Variants in PIEZO1 observed in about 807,000 individuals in gnomAD.
PIEZO1 encodes the protein piezo-type mechanosensitive ion channel component 1.
PIEZO1 carries 296 observed loss-of-function variants against 297.2 expected under a neutral mutation model. The observed-to-expected ratio is 1.00, with a 90% CI of 0.91 to 1.10. PIEZO1 has a LOEUF of 1.10. Among genes scored for constraint, PIEZO1 ranks in the 50% least tolerant of loss-of-function variants. The pLI is 0.00. For synonymous variants in PIEZO1, 2,427 were observed against 1,507.5 expected, an observed-to-expected ratio of 1.61 and a Z score of -14.13; for missense variants, 5,018 against 3,455.5, an observed-to-expected ratio of 1.45 and a Z score of -11.34.
chr16:88,719,743 G>T, intron 43 of PIEZO1, 22 bp from the exon 44 acceptor site: 1 of 1,550,340 alleles, frequency 6.5e-7, no homozygotes, highest in Non-Finnish European at 8.7e-7. Context: ...CAGGGTTCCC[G>T]TCAGGTGGGC....
chr16:88,736,748 G>A lies in PIEZO1; in HGVS notation c.1196-9C>T, dbSNP rs923586703. On this transcript the variant is annotated splice_polypyrimidine_tract_variant and intron_variant, in intron 10 of 50. Coordinates refer to ENST00000301015, the MANE Select transcript of PIEZO1 (RefSeq NM_001142864.4). ...AGCCCGCTTGGGCCGCACTGCAGGT[G>A]GGGACAGCGGTCAGCTTCGGCAGGT... The A allele has an allele frequency of 2.5e-5, 38 of 1,500,882 alleles. No individual in the cohort carries two copies. Among genetic ancestry groups the A allele is most frequent in the Middle Eastern group, 3.7e-4 (2 of 5,358 alleles). The allele number at this position is 1,500,882 out of a possible 1,614,324, so 93.0% of individuals were successfully genotyped here. A position where few individuals can be genotyped will look rare whatever the true frequency, so the allele number is the denominator to read the frequency against.
intron 1 of PIEZO1, among the ~76,000 whole-genome samples, chr16:88,750,740 G>A (rs1418809062): frequency 1.3e-5 from 2 of 152,210 alleles, no homozygotes; most frequent in African/African-American, 2.4e-5. Context: ...CTCCTCGCAG[G>A]GGACCTGAGG....
At chr16:88,720,343 G>T (rs1380104114) in intron 41 of PIEZO1, 42 bp downstream of exon 41, 1 of 1,550,002 alleles carries the variant, frequency 6.5e-7, no homozygotes, top group Non-Finnish European at 8.7e-7. Flanking sequence ...GGTGGCTGCT[G>T]AGCTCTGCGT....
Position 88,733,967 on chromosome 16 carries a change from C to T in PIEZO1, c.2268G>A (p.Glu756=), listed in dbSNP as rs1014500689. Residue 756 remains glutamate, a synonymous_variant, in exon 17 of 51, where the codon GAG becomes GAA. Coordinates refer to ENST00000301015, the MANE Select transcript of PIEZO1 (RefSeq NM_001142864.4). ...CGCCCAGCCCCTCGTCCCTGGAGTC[C>T]TCCTCCTCCTCCTCCTCCTCCTGCT... ...QQQQEEEEEE[E]DSRDEGLGVA... is the part of the protein sequence containing the mutation. 17 of 1,380,732 alleles carry T rather than the reference C, an allele frequency of 1.2e-5. No individual in the cohort carries two copies. The highest frequency in any genetic ancestry group is 4.2e-5 in the African/African-American group (2 of 47,416). The allele number at this position is 1,380,732 out of a possible 1,614,324, so 85.5% of individuals were successfully genotyped here. A position where few individuals can be genotyped will look rare whatever the true frequency, so the allele number is the denominator to read the frequency against.
Position 88,732,414 on chromosome 16 carries a change from G to C in PIEZO1, c.2912C>G (p.Thr971Ser), listed in dbSNP as rs1319010980. 2 of 1,549,662 alleles carry C rather than the reference G, an allele frequency of 1.3e-6. No individual in the cohort carries two copies. The highest frequency in any genetic ancestry group is 2.7e-5 in the African/African-American group (2 of 73,032). ...CAGATCCTGGTCCAGCTGCTGGCGG[G>C]TGCCGCTGGCAAACACGGCCTGGGC... Reference protein sequence around the residue: ...LPAQAVFASGTRQQLDQDLLG... With the variant: ...LPAQAVFASGSRQQLDQDLLG... The change falls in exon 21 of 51, where the codon ACC becomes AGC. Residue 971 changes from threonine (T) to serine (S), a missense_variant. Physicochemically the swap from Thr to Ser is moderately conservative, Grantham distance 58. Coordinates refer to ENST00000301015, the MANE Select transcript of PIEZO1 (RefSeq NM_001142864.4).
At chr16:88,723,461 G>T in intron 31 of PIEZO1, 133 bp from the exon 32 acceptor site, 1 of 1,049,768 alleles carries the variant, frequency 9.5e-7, no homozygotes. Flanking sequence ...GTGTCCCTGA[G>T]CCCCTCCCGG....
chr16:88,764,216 C>T (rs915389111), intron 1 of PIEZO1, among the ~76,000 whole-genome samples: 2 of 152,092 alleles, frequency 1.3e-5, no homozygotes, highest in Non-Finnish European at 2.9e-5. Context: ...CCTTGAGACA[C>T]GGGGTCTCGG....
intron 17 of PIEZO1, 46 bp downstream of exon 17, chr16:88,733,860 G>A: frequency 6.8e-7 from 1 of 1,467,396 alleles, no homozygotes; most frequent in South Asian, 1.4e-5. Context: ...GCTGGGACAT[G>A]GCACAGCAGA....
At position 88,765,260 on chromosome 16, in the gene PIEZO1, CG is replaced by C. The variant is rs548879436; in HGVS notation, c.65-15782del. Among the ~76,000 whole-genome samples, 856 of 152,342 alleles carry C rather than the reference CG, an allele frequency of 5.6e-3. 11 individuals are homozygous for C. The highest frequency in any genetic ancestry group is 0.019 in the African/African-American group (782 of 41,578). On this transcript the variant is annotated intron_variant, in intron 1 of 50. Transcript: ENST00000301015. The stretch of plus-strand genomic sequence containing the variant: ...GGCAGGAGGGGAGTCACCAGCCACT[CG>C]GAGGCAGCCTGGAGAGGGGGTGTCA...
intron 1 of PIEZO1, among the ~76,000 whole-genome samples, chr16:88,765,100 C>A (rs1446572203): frequency 6.6e-6 from 1 of 152,228 alleles, no homozygotes; most frequent in Non-Finnish European, 1.5e-5. Context: ...TGTGATTTAC[C>A]CAGCGGCACC....
rs150162512 is a variant in PIEZO1, at chr16:88,737,742, G to A, written c.1093C>T (p.Arg365Trp). 25 of 1,535,466 alleles carry A rather than the reference G, an allele frequency of 1.6e-5. No individual in the cohort carries two copies. Among genetic ancestry groups the A allele is most frequent in the South Asian group, 7.1e-5 (6 of 84,050 alleles). ...TGGCTGCTCACCTGGTCAGACTCCC[G>A]TTCCTGGGGCCACTGGTCCAGCTCT... ...LAELDQWPQE[R>W]ESDQHVVPTA... Residue 365 changes from arginine (R) to tryptophan (W), a missense_variant, in exon 9 of 51, where the codon CGG becomes TGG. Arg to Trp is a moderately radical substitution (Grantham distance 101, BLOSUM62 -3). Transcript: ENST00000301015.
intron 12 of PIEZO1, among the ~76,000 whole-genome samples, chr16:88,735,789 C>T (rs989550239): frequency 6.6e-6 from 1 of 152,212 alleles, no homozygotes; most frequent in African/African-American, 2.4e-5. Context: ...ATGGGCAGAG[C>T]CCACGCTCAC....
At chr16:88,731,403 C>T (rs548312205) in intron 22 of PIEZO1, 19 of 385,436 alleles carry the variant, frequency 4.9e-5, no homozygotes, top group Admixed American at 1.3e-4. Flanking sequence ...GCACGGGGCC[C>T]GGAGAGGACG....
At chr16:88,758,956 T>A (rs1172413477) in intron 1 of PIEZO1, among the ~76,000 whole-genome samples, 1 of 151,992 alleles carries the variant, frequency 6.6e-6, no homozygotes, top group Non-Finnish European at 1.5e-5. Flanking sequence ...ATGTCTAGGA[T>A]GGACAAAAAG....
intron 1 of PIEZO1, among the ~76,000 whole-genome samples, chr16:88,781,424 C>G (rs1907932453): frequency 6.6e-6 from 1 of 152,258 alleles, no homozygotes; most frequent in South Asian, 2.1e-4. Flanking sequence ...GGCCCCTTCC[C>G]CAAACACGCA....
At chr16:88,756,165 G>A (rs1334764621) in intron 1 of PIEZO1, among the ~76,000 whole-genome samples, 1 of 152,184 alleles carries the variant, frequency 6.6e-6, no homozygotes, top group Non-Finnish European at 1.5e-5. Flanking sequence ...TATGCTCTCG[G>A]GGTGACTGTC....
intron 1 of PIEZO1, among the ~76,000 whole-genome samples, chr16:88,775,869 G>A (rs1252921281): frequency 6.6e-6 from 1 of 152,178 alleles, no homozygotes; most frequent in Non-Finnish European, 1.5e-5. Flanking sequence ...TGTTTAAACA[G>A]CTGGGAGACT....
chr16:88,737,341 T>C lies in PIEZO1; in HGVS notation c.1195+218A>G, dbSNP rs1278869372. On this transcript the variant is annotated intron_variant, in intron 10 of 50. Coordinates refer to ENST00000301015, the MANE Select transcript of PIEZO1 (RefSeq NM_001142864.4). ...CAACGACGCGGCCACTCAGCTGCCC[T>C]GGGGGTCTTGGGGGTTGGTCAGTGA... 4.0e-5 allele frequency: 21 copies of C among 527,474 alleles called. No individual in the cohort carries two copies. The East Asian group carries it at 6.9e-4, about 17-fold the overall frequency. 32.7% of individuals were successfully genotyped at this position (527,474 alleles called of 1,614,324 possible). A position where few individuals can be genotyped will look rare whatever the true frequency, so the allele number is the denominator to read the frequency against.
intron 27 of PIEZO1, 81 bp from the exon 28 acceptor site, chr16:88,725,765 C>T (rs769382660): frequency 2.0e-5 from 15 of 762,070 alleles, no homozygotes; most frequent in African/African-American, 5.2e-5. Context: ...CCGCTCAGCC[C>T]GGGACAGCTC....
Sources: gnomAD v4.1 joint callset for allele counts (sites outside exome capture counted in the v4.1 genomes callset) on GRCh38, gnomAD v4.1.1 for gene constraint, MANE v1.5 for transcripts, NCBI Gene and HGNC (gene_info 2026-07-23, HGNC 2026-07-21) for gene names.